Variants in UNC5C observed in about 807,000 individuals in gnomAD.
The protein encoded by UNC5C is unc-5 netrin receptor C, also known as netrin receptor UNC5C.
UNC5C carries 47 observed loss-of-function variants against 99.8 expected under a neutral mutation model. The ratio of observed to expected loss-of-function variants is 0.47; its 90% CI spans 0.37 to 0.60. The LOEUF (loss-of-function observed/expected upper bound fraction) is 0.60. Ranked by LOEUF, UNC5C falls within the 20% of genes least tolerant of loss-of-function variation. The probability of loss-of-function intolerance (pLI) is 0.00; values close to 1 mark genes in which losing one functional copy is unlikely to be tolerated. For synonymous variants in UNC5C, 487 were observed against 452.2 expected (o/e 1.08, Z -0.98); for missense variants, 1,062 against 1,165.9 (o/e 0.91, Z 1.30).
intron 2 of UNC5C, among the ~76,000 whole-genome samples, chr4:95,328,075 T>A (rs957032001): frequency 2.1e-5 from 3 of 140,658 alleles, no homozygotes; most frequent in South Asian, 2.5e-4. Flanking sequence ...TTTTTTTTTT[T>A]TTATTATACT....
chr4:95,341,733 T>C (rs1300443977), intron 1 of UNC5C, among the ~76,000 whole-genome samples: 1 of 152,096 alleles, frequency 6.6e-6, no homozygotes, highest in African/African-American at 2.4e-5. Flanking sequence ...TTTAACTTCA[T>C]ATCACTGAAA....
intron 1 of UNC5C, among the ~76,000 whole-genome samples, chr4:95,340,073 CAAG>C (rs1314247045): frequency 6.6e-6 from 1 of 151,878 alleles, no homozygotes; most frequent in African/African-American, 2.4e-5. Flanking sequence ...CATTTATACC[CAAG>C]AAGAGAAAGC....
Position 95,391,509 on chromosome 4 carries a change from T to C in UNC5C, c.125-55878A>G, listed in dbSNP as rs1745358258. ...AATAATTTTCATGTATTAAATCATT[T>C]ATAAGAGATGAGCTAGAAAATCAGA... On this transcript the variant is annotated intron_variant, in intron 1 of 15. Transcript: ENST00000453304. Among the ~76,000 whole-genome samples the C allele has an allele frequency of 2.0e-5, 3 of 152,196 alleles. No individual in the cohort carries two copies. In the South Asian group the frequency reaches 6.2e-4, roughly 31 times the overall value.
chr4:95,269,020 C>T (rs1050147382), intron 4 of UNC5C, among the ~76,000 whole-genome samples: 5 of 152,236 alleles, frequency 3.3e-5, no homozygotes, highest in African/African-American at 1.2e-4. Flanking sequence ...AGCTGGGAAT[C>T]TGCCAAGTTT....
At chr4:95,394,674 T>TGTGTGTGTGTGTGTGTGTGTGTGC (rs972166811) in intron 1 of UNC5C, among the ~76,000 whole-genome samples, 3 of 151,970 alleles carry the variant, frequency 2.0e-5, no homozygotes, top group African/African-American at 7.3e-5. Flanking sequence ...TGTGTGTGTG[T>TGTGTGTGTGTGTGTGTGTGTGTGC]GCTTTTCTCA....
chr4:95,282,982 G>T (rs1367046231), intron 3 of UNC5C, among the ~76,000 whole-genome samples: 1 of 152,104 alleles, frequency 6.6e-6, no homozygotes, highest in Non-Finnish European at 1.5e-5. Context: ...AGACAGGAGG[G>T]CAGGAGAAGG....
intron 1 of UNC5C, among the ~76,000 whole-genome samples, chr4:95,387,505 A>G (rs928852589): frequency 6.6e-6 from 1 of 152,190 alleles, no homozygotes; most frequent in Non-Finnish European, 1.5e-5. Context: ...AGATCCTGAC[A>G]TTTCTAATTT....
intron 3 of UNC5C, among the ~76,000 whole-genome samples, chr4:95,292,989 T>C (rs1015840979): frequency 6.6e-6 from 1 of 152,140 alleles, no homozygotes; most frequent in African/African-American, 2.4e-5. Flanking sequence ...AAAAATGTTA[T>C]GGAGAACAAT....
intron 2 of UNC5C, among the ~76,000 whole-genome samples, chr4:95,326,184 A>G (rs1324562562): frequency 6.6e-6 from 1 of 152,118 alleles, no homozygotes; most frequent in Non-Finnish European, 1.5e-5. Flanking sequence ...AACAGAATAC[A>G]TGTAAGGTGC....
intron 1 of UNC5C, among the ~76,000 whole-genome samples, chr4:95,423,924 T>C (rs1438243407): frequency 6.6e-6 from 1 of 152,230 alleles, no homozygotes; most frequent in African/African-American, 2.4e-5. Flanking sequence ...ATAGTGATTA[T>C]TGTTTCTAAA....
At chr4:95,282,516 T>C (rs1009772468) in intron 3 of UNC5C, among the ~76,000 whole-genome samples, 5 of 152,174 alleles carry the variant, frequency 3.3e-5, no homozygotes, top group African/African-American at 9.7e-5. Flanking sequence ...ACAGACAAAT[T>C]TTATTTAACA....
At chr4:95,221,677 G>A (rs1341302949) in intron 7 of UNC5C, among the ~76,000 whole-genome samples, 1 of 152,162 alleles carries the variant, frequency 6.6e-6, no homozygotes, top group African/African-American at 2.4e-5. Flanking sequence ...GTCAATGTTA[G>A]CAAATTTTCT....
chr4:95,314,385 C>T (rs1429577229), intron 2 of UNC5C, among the ~76,000 whole-genome samples: 1 of 152,188 alleles, frequency 6.6e-6, no homozygotes, highest in Non-Finnish European at 1.5e-5. Context: ...TCCTCCAGAA[C>T]CCCACCATCC....
chr4:95,360,038 C>T (rs953135061), intron 1 of UNC5C, among the ~76,000 whole-genome samples: 2 of 152,036 alleles, frequency 1.3e-5, no homozygotes, highest in Non-Finnish European at 2.9e-5. Context: ...TTGACAAATA[C>T]TCAATACATA....
intron 7 of UNC5C, among the ~76,000 whole-genome samples, chr4:95,234,389 TA>T (rs1560745650): frequency 6.6e-6 from 1 of 151,938 alleles, no homozygotes; most frequent in Non-Finnish European, 1.5e-5. Flanking sequence ...ACCTTTTTTT[TA>T]TTATACTTTA....
At chr4:95,464,755 T>C (rs1164650372) in intron 1 of UNC5C, among the ~76,000 whole-genome samples, 1 of 152,156 alleles carries the variant, frequency 6.6e-6, no homozygotes, top group Admixed American at 6.5e-5. Context: ...ATGAAAAAAG[T>C]TTCTAATAGG....
At chr4:95,468,442 A>C (rs1747865972) in intron 1 of UNC5C, among the ~76,000 whole-genome samples, 1 of 152,126 alleles carries the variant, frequency 6.6e-6, no homozygotes, top group South Asian at 2.1e-4. Flanking sequence ...ATATCTTGAA[A>C]TGCTTTACCC....
chr4:95,253,429 G>A (rs979187007), intron 4 of UNC5C, among the ~76,000 whole-genome samples: 18 of 152,080 alleles, frequency 1.2e-4, no homozygotes, highest in Non-Finnish European at 1.9e-4. Context: ...ATCTTCACTC[G>A]ATTATACATA....
intron 1 of UNC5C, among the ~76,000 whole-genome samples, chr4:95,416,279 AGAGTGAG>A (rs1309011861): frequency 6.6e-6 from 1 of 152,092 alleles, no homozygotes; most frequent in Non-Finnish European, 1.5e-5. Flanking sequence ...AAGAATTTTT[AGAGTGAG>A]GAAGTGCTTA....
Sources: allele counts gnomAD v4.1 joint callset (sites outside exome capture counted in the v4.1 genomes callset), GRCh38; gene constraint gnomAD v4.1.1; transcripts MANE v1.5; gene names NCBI Gene and HGNC (gene_info 2026-07-23, HGNC 2026-07-21).